Variants in HBS1L observed in about 807,000 individuals in gnomAD.
HBS1L encodes HBS1-like protein.
Under a neutral mutation model 88.9 loss-of-function variants are expected in HBS1L, and 55 were observed. That is an observed-to-expected ratio of 0.62 (90% confidence interval 0.50 to 0.77). HBS1L has a LOEUF of 0.77. Among genes scored for constraint, HBS1L ranks in the 30% least tolerant of loss-of-function variants. The pLI is 0.00. For synonymous variants in HBS1L, 267 were observed against 288.5 expected (o/e 0.93, Z 0.76); for missense variants, 741 against 829.3 (o/e 0.89, Z 1.31).
At chr6:134,979,560 A>G (rs988824248) in intron 13 of HBS1L, 7 of 279,606 alleles carry the variant, frequency 2.5e-5, no homozygotes, top group Admixed American at 2.4e-4. Context: ...TGGTATATTC[A>G]TTAAACAGGC....
chr6:135,054,094 C>T (rs2150681), intron 1 of HBS1L, among the ~76,000 whole-genome samples: 76,191 of 152,048 alleles, frequency 0.5, 19,197 homozygotes, highest in South Asian at 0.56. Context: ...TCTTTTCTAC[C>T]GTCTCCTAAG....
rs541015641 is a variant in HBS1L at position 134,974,754 on chromosome 6, C to T, written c.1797+3925G>A. On this transcript the variant is annotated intron_variant, in intron 15 of 17. Coordinates refer to ENST00000367837, the MANE Select transcript of HBS1L (RefSeq NM_006620.4). ...TTCAATAAACTAGGCAAAGAGGAAA[C>T]ATACCTCAAAATAATAAAAGCCACA... 2.0e-5 allele frequency among the ~76,000 whole-genome samples: 3 copies of T among 151,834 alleles called. No individual in the cohort carries two copies. In the South Asian group the frequency reaches 6.2e-4, roughly 32 times the overall value.
At chr6:135,005,908 T>C (rs1775597624) in intron 4 of HBS1L, among the ~76,000 whole-genome samples, 1 of 152,202 alleles carries the variant, frequency 6.6e-6, no homozygotes, top group Non-Finnish European at 1.5e-5. Context: ...GTAAAAAGAT[T>C]TGCAAAGTGA....
intron 11 of HBS1L, 52 bp from the exon 12 acceptor site, chr6:134,985,461 G>T: frequency 8.5e-7 from 1 of 1,169,902 alleles, no homozygotes; most frequent in South Asian, 1.4e-5. Context: ...TTAAATTTTT[G>T]ACTCACTTCA....
chr6:135,029,725 C>T (rs1776332779), intron 4 of HBS1L, among the ~76,000 whole-genome samples: 1 of 152,044 alleles, frequency 6.6e-6, no homozygotes, highest in Non-Finnish European at 1.5e-5. Context: ...AACTGGAACA[C>T]TTAAAATGTT....
At chr6:135,038,370 T>TAA (rs61459569) in intron 4 of HBS1L, among the ~76,000 whole-genome samples, 9 of 151,892 alleles carry the variant, frequency 5.9e-5, no homozygotes, top group East Asian at 1.9e-4. Context: ...AAAACTTCTT[T>TAA]AAAAAAACAA....
intron 9 of HBS1L, among the ~76,000 whole-genome samples, 153 bp from the exon 10 acceptor site, chr6:134,986,963 A>G (rs1157548240): frequency 3.3e-5 from 5 of 152,126 alleles, no homozygotes; most frequent in Admixed American, 3.3e-4. Context: ...TGCTAATAAT[A>G]TGATCTAAAA....
chr6:134,997,954 C>T (rs1775339352), intron 5 of HBS1L, among the ~76,000 whole-genome samples: 1 of 152,102 alleles, frequency 6.6e-6, no homozygotes, highest in African/African-American at 2.4e-5. Context: ...CCATATAATC[C>T]ATCCTATCAA....
chr6:134,984,682 C>A (rs1450733303), intron 12 of HBS1L, among the ~76,000 whole-genome samples: 1 of 151,936 alleles, frequency 6.6e-6, no homozygotes, highest in East Asian at 1.9e-4. Context: ...ACTTTATAGT[C>A]TTCTATATAG....
intron 2 of HBS1L, among the ~76,000 whole-genome samples, chr6:135,044,372 G>A (rs895905945): frequency 2.6e-5 from 4 of 152,058 alleles, no homozygotes; most frequent in East Asian, 3.8e-4. Flanking sequence ...AAGAATGCAC[G>A]TTATGTTGTG....
Position 134,964,390 on chromosome 6 carries a change from G to C in HBS1L, c.*889C>G, listed in dbSNP as rs1774252126. The C allele has an allele frequency of 6.6e-6, 1 of 151,958 alleles. No homozygotes were observed. The highest frequency in any genetic ancestry group is 1.5e-5 in the Non-Finnish European group (1 of 68,008). The allele number at this position is 151,958 out of a possible 1,614,324, so 9.4% of individuals were successfully genotyped here. A position where few individuals can be genotyped will look rare whatever the true frequency, so the allele number is the denominator to read the frequency against. On this transcript the variant is annotated 3_prime_UTR_variant, in exon 18 of 18. Transcript: ENST00000367837. ...CTCACAGGGGACTTATAATCTATAA[G>C]GTAAGCAAGATAAAGAAAGGGCCAT...
intron 4 of HBS1L, among the ~76,000 whole-genome samples, chr6:135,017,277 G>C (rs1775949123): frequency 6.6e-6 from 1 of 152,060 alleles, no homozygotes; most frequent in Non-Finnish European, 1.5e-5. Flanking sequence ...CAAGATGTTT[G>C]AACATTTTAA....
At chr6:135,042,794 C>G in intron 2 of HBS1L, among the ~76,000 whole-genome samples, 1 of 126,578 alleles carries the variant, frequency 7.9e-6, no homozygotes, top group South Asian at 2.4e-4. Context: ...GCCTGGGTGA[C>G]AAGAACAAAA....
In HBS1L at chr6:135,039,572, C is replaced by A. The variant is rs761815861; in HGVS notation, c.430+1G>T. On this transcript the variant is annotated splice_donor_variant, in intron 4 of 17. Transcript: ENST00000367837. LOFTEE classifies it high-confidence loss of function. The stretch of plus-strand genomic sequence containing the variant: ...GTGAAAAAGAACAAGTAAAGGCATA[C>A]CTTTTGCTATCTTTCCTGTAGATAC... The A allele has an allele frequency of 2.5e-6, 4 of 1,612,232 alleles. No individual in the cohort carries two copies. The highest frequency in any genetic ancestry group is 1.7e-5 in the Admixed American group (1 of 59,780).
intron 4 of HBS1L, among the ~76,000 whole-genome samples, chr6:135,024,786 T>G (rs1401288999): frequency 1.3e-5 from 2 of 152,084 alleles, no homozygotes; most frequent in African/African-American, 4.8e-5. Flanking sequence ...TAGAAGTTAG[T>G]TCTAATTTAT....
chr6:135,005,127 G>A (rs888949279), intron 4 of HBS1L, among the ~76,000 whole-genome samples: 2 of 152,144 alleles, frequency 1.3e-5, no homozygotes, highest in Non-Finnish European at 2.9e-5. Flanking sequence ...TTAGATAAAA[G>A]TCATTGGTAG....
chr6:134,976,276 G>A (rs1413546014), intron 15 of HBS1L, among the ~76,000 whole-genome samples: 3 of 152,120 alleles, frequency 2.0e-5, no homozygotes, highest in Admixed American at 6.6e-5. Flanking sequence ...CCCTGTATGC[G>A]ATGAAGAAGG....
intron 3 of HBS1L, among the ~76,000 whole-genome samples, chr6:135,040,794 T>G (rs1273041572): frequency 6.6e-6 from 1 of 152,224 alleles, no homozygotes. Context: ...AGAGAGGCTT[T>G]GTATCCCTAG....
rs1410951002 is a variant in HBS1L, at chr6:134,961,341, A to C, written c.*3938T>G. The stretch of plus-strand genomic sequence containing the variant: ...ATTTTACACCTACATTTACACTATT[A>C]ACTTATTTGTACATACTTAAATGGT... On this transcript the variant is annotated 3_prime_UTR_variant, in exon 18 of 18. Coordinates refer to ENST00000367837, the MANE Select transcript of HBS1L (RefSeq NM_006620.4). 1 of 152,118 alleles carries C rather than the reference A, an allele frequency of 6.6e-6. No homozygotes were observed. The highest frequency in any genetic ancestry group is 1.5e-5 in the Non-Finnish European group (1 of 68,006). 9.4% of individuals were successfully genotyped at this position (152,118 alleles called of 1,614,324 possible).
Sources: gnomAD v4.1 joint callset for allele counts (sites outside exome capture counted in the v4.1 genomes callset) on GRCh38, gnomAD v4.1.1 for gene constraint, MANE v1.5 for transcripts, NCBI Gene and HGNC (gene_info 2026-07-23, HGNC 2026-07-21) for gene names.